Variants in CREB5 observed in about 807,000 individuals in gnomAD.
The protein encoded by CREB5 is cyclic AMP-responsive element-binding protein 5.
In CREB5, 19 loss-of-function variants were observed where a neutral mutation model predicts 57.1. The observed-to-expected ratio is 0.33, with a 90% CI of 0.23 to 0.49. CREB5 has a LOEUF of 0.49. Among genes scored for constraint, CREB5 ranks in the 20% least tolerant of loss-of-function variants. The probability of loss-of-function intolerance (pLI) is 0.99; values close to 1 mark genes in which losing one functional copy is unlikely to be tolerated. For synonymous variants in CREB5, 238 were observed against 238.3 expected (o/e 1.00, Z 0.01); for missense variants, 579 against 671.6 (o/e 0.86, Z 1.52).
chr7:28,357,810 A>C (rs1409503235), intron 1 of CREB5, among the ~76,000 whole-genome samples: 2 of 152,236 alleles, frequency 1.3e-5, no homozygotes, highest in Non-Finnish European at 2.9e-5. Context: ...ACTCTACACA[A>C]GTCAGAGCTT....
intron 1 of CREB5, among the ~76,000 whole-genome samples, chr7:28,486,846 T>C: frequency 6.6e-6 from 1 of 151,240 alleles, no homozygotes; most frequent in East Asian, 2.0e-4. Context: ...GGCTCATGCT[T>C]GTAATCCCAG....
intron 1 of CREB5, among the ~76,000 whole-genome samples, chr7:28,338,039 A>G (rs969321739): frequency 2.0e-5 from 3 of 152,010 alleles, no homozygotes; most frequent in Non-Finnish European, 4.4e-5. Flanking sequence ...TTTTAACTTT[A>G]TGTTGTTTCT....
chr7:28,476,752 C>T (rs1791083141), intron 1 of CREB5, among the ~76,000 whole-genome samples: 6 of 152,174 alleles, frequency 3.9e-5, no homozygotes, highest in Admixed American at 1.3e-4. Flanking sequence ...AAGATTGCTC[C>T]AGGGGTTATA....
chr7:28,730,014 A>G (rs1217287213), intron 7 of CREB5, among the ~76,000 whole-genome samples: 1 of 152,204 alleles, frequency 6.6e-6, no homozygotes. Flanking sequence ...TCTCACTTGT[A>G]TGTATGCTGT....
chr7:28,768,724 T>C, intron 7 of CREB5, among the ~76,000 whole-genome samples: 1 of 152,226 alleles, frequency 6.6e-6, no homozygotes, highest in East Asian at 1.9e-4. Flanking sequence ...GTCAAGAAGG[T>C]CTTACAAACA....
intron 7 of CREB5, among the ~76,000 whole-genome samples, chr7:28,733,584 C>G (rs1803791652): frequency 6.6e-6 from 1 of 152,180 alleles, no homozygotes; most frequent in African/African-American, 2.4e-5. Flanking sequence ...CTTGCCTTCC[C>G]CAGGTGGGCA....
chr7:28,607,833 A>G (rs75233795), intron 5 of CREB5, among the ~76,000 whole-genome samples: 3,680 of 148,008 alleles, frequency 0.025, 153 homozygotes, highest in African/African-American at 0.087. Flanking sequence ...TATTCTAACA[A>G]AGCCAGCCTT....
At chr7:28,405,235 C>G (rs1787553699) in intron 1 of CREB5, among the ~76,000 whole-genome samples, 1 of 152,154 alleles carries the variant, frequency 6.6e-6, no homozygotes, top group African/African-American at 2.4e-5. Flanking sequence ...AGATGTTTAA[C>G]CACAAAATGG....
chr7:28,470,887 T>C (rs1188186293), intron 1 of CREB5, among the ~76,000 whole-genome samples: 3 of 152,226 alleles, frequency 2.0e-5, no homozygotes, highest in Non-Finnish European at 4.4e-5. Flanking sequence ...TTTTGAGAAA[T>C]GTCTCTTCAA....
At chr7:28,629,242 T>C (rs984423379) in intron 5 of CREB5, among the ~76,000 whole-genome samples, 4 of 152,356 alleles carry the variant, frequency 2.6e-5, no homozygotes, top group East Asian at 1.9e-4. Flanking sequence ...CTGGCATATG[T>C]TTAAAAAGAG....
chr7:28,531,055 T>C (rs1252262136), intron 4 of CREB5, among the ~76,000 whole-genome samples: 5 of 152,102 alleles, frequency 3.3e-5, no homozygotes, highest in Non-Finnish European at 2.9e-5. Flanking sequence ...TGTTTTTTTT[T>C]CCCAGTGGGT....
In CREB5 at chr7:28,820,305, G is replaced by A. The variant is rs1385464162; in HGVS notation, c.*1026G>A. On this transcript the variant is annotated 3_prime_UTR_variant, in exon 11 of 11. Transcript: ENST00000357727. ...CCTTGGATTGCGACTGGTTTTATACGGCCTGCCTATAACGTTGAAAATCCA... is the reference window on the plus strand; with the variant it reads ...CCTTGGATTGCGACTGGTTTTATACAGCCTGCCTATAACGTTGAAAATCCA... 3 of 152,522 alleles carry A rather than the reference G, an allele frequency of 2.0e-5. No individual in the cohort carries two copies. The highest frequency in any genetic ancestry group is 2.1e-4 in the South Asian group (1 of 4,824). The allele number at this position is 152,522 out of a possible 1,614,324, so 9.4% of individuals were successfully genotyped here.
chr7:28,441,356 G>A (rs967081574), intron 1 of CREB5, among the ~76,000 whole-genome samples: 2 of 152,160 alleles, frequency 1.3e-5, no homozygotes, highest in Admixed American at 6.5e-5. Flanking sequence ...ATAATCTCTG[G>A]TGGCTCTCCA....
chr7:28,602,368 C>A (rs979056576), intron 5 of CREB5, among the ~76,000 whole-genome samples: 1 of 152,194 alleles, frequency 6.6e-6, no homozygotes, highest in African/African-American at 2.4e-5. Flanking sequence ...CTCAGGTGAT[C>A]TGTCCACCTC....
intron 4 of CREB5, among the ~76,000 whole-genome samples, chr7:28,558,146 T>G (rs1246706904): frequency 2.0e-5 from 3 of 152,220 alleles, no homozygotes; most frequent in Admixed American, 2.0e-4. Context: ...AATTCAGATG[T>G]CATAAAATAA....
At chr7:28,488,047 C>T (rs941950726) in intron 1 of CREB5, 128 bp from the exon 2 acceptor site, 1 of 736,642 alleles carries the variant, frequency 1.4e-6, no homozygotes, top group African/African-American at 1.7e-5. Flanking sequence ...TAATGTTCTG[C>T]TCATCTAATT....
chr7:28,423,570 T>A (rs174020), intron 1 of CREB5, among the ~76,000 whole-genome samples: 142,610 of 152,036 alleles, frequency 0.94, 66,950 homozygotes, highest in East Asian at 0.98. Context: ...AGATGAGGGG[T>A]CCAGAGAGTG....
intron 1 of CREB5, among the ~76,000 whole-genome samples, chr7:28,480,364 C>T (rs1791272719): frequency 6.6e-6 from 1 of 152,156 alleles, no homozygotes; most frequent in Admixed American, 6.5e-5. Flanking sequence ...CACTGAATTT[C>T]GTTGCTATCA....
At chr7:28,560,839 T>TGCGTGC (rs1266751699) in intron 4 of CREB5, among the ~76,000 whole-genome samples, 40 of 96,450 alleles carry the variant, frequency 4.1e-4, no homozygotes, top group African/African-American at 1.5e-3. Context: ...CGCGCGTGTG[T>TGCGTGC]GTGTGCGCGT....
Sources: gnomAD v4.1 joint callset for allele counts (sites outside exome capture counted in the v4.1 genomes callset) on GRCh38, gnomAD v4.1.1 for gene constraint, MANE v1.5 for transcripts, NCBI Gene and HGNC (gene_info 2026-07-23, HGNC 2026-07-21) for gene names.